CDK17: variants seen among roughly 807,000 people sequenced by gnomAD.
CDK17 encodes the protein cyclin-dependent kinase 17.
CDK17 carries 24 observed loss-of-function variants against 77.6 expected under a neutral mutation model. The observed-to-expected ratio is 0.31, with a 90% CI of 0.22 to 0.44. The LOEUF (loss-of-function observed/expected upper bound fraction) is 0.44. Among genes scored for constraint, CDK17 ranks in the 20% least tolerant of loss-of-function variants. The probability of loss-of-function intolerance (pLI) is 1.00; values close to 1 mark genes in which losing one functional copy is unlikely to be tolerated. For missense variants in CDK17, 429 were observed against 622.5 expected, an observed-to-expected ratio of 0.69 and a Z score of 3.31; for synonymous variants, 203 against 210.4, an observed-to-expected ratio of 0.96 and a Z score of 0.30.
At chr12:96,387,133 C>T in intron 1 of CDK17, 2 of 270,666 alleles carry the variant, frequency 7.4e-6, no homozygotes, top group South Asian at 1.1e-4. Flanking sequence ...ACCTGTGTTC[C>T]ACTTTTCAAT....
intron 1 of CDK17, among the ~76,000 whole-genome samples, chr12:96,371,964 AAG>A (rs547825853): frequency 2.6e-4 from 39 of 149,230 alleles, no homozygotes; most frequent in Non-Finnish European, 4.0e-4. Flanking sequence ...TCATGTTAAA[AAG>A]AGGGGGGACG....
chr12:96,299,610 C>G (rs571867551), intron 6 of CDK17, among the ~76,000 whole-genome samples: 1 of 152,000 alleles, frequency 6.6e-6, no homozygotes, highest in African/African-American at 2.4e-5. Flanking sequence ...AGGCTGGTCT[C>G]GAACTCCTGA....
intron 1 of CDK17, among the ~76,000 whole-genome samples, chr12:96,397,812 T>C (rs1954195556): frequency 6.6e-6 from 1 of 152,150 alleles, no homozygotes; most frequent in South Asian, 2.1e-4. Context: ...AAAACAACAA[T>C]TATTAATTAT....
intron 7 of CDK17, 98 bp downstream of exon 7, chr12:96,298,771 G>A (rs1197138959): frequency 3.2e-6 from 2 of 617,492 alleles, no homozygotes; most frequent in Non-Finnish European, 5.5e-6. Context: ...ACATCTTCCA[G>A]TCATTTATTA....
intron 5 of CDK17, among the ~76,000 whole-genome samples, chr12:96,310,434 T>C (rs944134475): frequency 5.9e-5 from 9 of 152,068 alleles, no homozygotes; most frequent in Non-Finnish European, 8.8e-5. Context: ...TAAGAATATA[T>C]GTGAATGGGA....
Position 96,286,775 on chromosome 12 carries a change from C to A in CDK17, c.1119-14G>T. On this transcript the variant is annotated splice_polypyrimidine_tract_variant and intron_variant, in intron 11 of 16. Transcript: ENST00000261211. The stretch of plus-strand genomic sequence containing the variant: ...CAACCAACACCCCTTTAAAATAGAT[C>A]ATGAAAATAATTTAGCAATTCATTT... The A allele has an allele frequency of 6.3e-7, 1 of 1,574,966 alleles. No individual in the cohort carries two copies. Among genetic ancestry groups the A allele is most frequent in the Non-Finnish European group, 8.7e-7 (1 of 1,148,220 alleles).
chr12:96,372,524 A>G (rs1279438647), intron 1 of CDK17, among the ~76,000 whole-genome samples: 3 of 152,234 alleles, frequency 2.0e-5, no homozygotes, highest in African/African-American at 7.2e-5. Context: ...GGAAGGGAGC[A>G]TAACAATGAG....
intron 2 of CDK17, among the ~76,000 whole-genome samples, chr12:96,333,795 G>T (rs1953003964): frequency 6.6e-6 from 1 of 152,162 alleles, no homozygotes; most frequent in African/African-American, 2.4e-5. Context: ...TAAAGTACTG[G>T]TTCTGGAGCT....
intron 1 of CDK17, among the ~76,000 whole-genome samples, chr12:96,383,743 C>T (rs1257311938): frequency 1.3e-5 from 2 of 152,082 alleles, no homozygotes; most frequent in African/African-American, 4.8e-5. Flanking sequence ...TGAAAGTGGG[C>T]CCCTACTTTT....
rs201651753 is a variant in CDK17 at position 96,318,751 on chromosome 12, C to T, written c.283+5197G>A. 3.0e-3 allele frequency among the ~76,000 whole-genome samples: 407 copies of T among 134,522 alleles called. 2 individuals carry two copies. Among genetic ancestry groups the T allele is most frequent in the Middle Eastern group, 3.8e-3 (1 of 264 alleles). The allele number at this position is 134,522 out of a possible 152,430, so 88.3% of individuals were successfully genotyped here. On this transcript the variant is annotated intron_variant, in intron 3 of 16. Coordinates refer to ENST00000261211, the MANE Select transcript of CDK17 (RefSeq NM_002595.5). ...AAATAAAGATGTTCTTTGAGACCAA[C>T]GAGAACAAAGACACAACATACCAGA...
chr12:96,313,377 G>A lies in CDK17; in HGVS notation c.361C>T (p.Gln121Ter). 6.3e-7 allele frequency: 1 copy of A among 1,599,424 alleles called. No individual in the cohort carries two copies. Among genetic ancestry groups the A allele is most frequent in the Non-Finnish European group, 8.5e-7 (1 of 1,174,056 alleles). Residue 121 changes from glutamine (Q) to a stop codon, truncating the protein, a stop_gained, in exon 4 of 17, where the codon CAG becomes TAG. Coordinates refer to ENST00000261211, the MANE Select transcript of CDK17 (RefSeq NM_002595.5). LOFTEE classifies it high-confidence loss of function. ...CTGAGACAAACACCTGTAGGTGACT[G>A]GACTTCATCAGATGATGTCCCAGAA... ...QASGTSSDEV[Q>*]SPTGVCLRNR...
Position 96,311,036 on chromosome 12 carries a change from G to A in CDK17, c.543+16C>T, listed in dbSNP as rs748528837. On this transcript the variant is annotated intron_variant, in intron 5 of 16. Transcript: ENST00000261211. Reference sequence around the variant, plus strand: ...GATCTGATTGATGGTGGAGGTATAGGAGACCAAAAACTTACTAAGGAAGCT... The same window carrying A: ...GATCTGATTGATGGTGGAGGTATAGAAGACCAAAAACTTACTAAGGAAGCT... 3 of 1,593,916 alleles carry A rather than the reference G, an allele frequency of 1.9e-6. No homozygotes were observed. Among genetic ancestry groups the A allele is most frequent in the Non-Finnish European group, 2.6e-6 (3 of 1,174,196 alleles).
At chr12:96,346,457 AT>A (rs1953212567) in intron 1 of CDK17, among the ~76,000 whole-genome samples, 1 of 3,436 alleles carries the variant, frequency 2.9e-4, no homozygotes, top group Non-Finnish European at 7.8e-4. Context: ...ATCTCAAAAA[AT>A]AAATAAATAA....
chr12:96,372,142 A>G (rs552837350), intron 1 of CDK17, among the ~76,000 whole-genome samples: 1 of 152,240 alleles, frequency 6.6e-6, no homozygotes, highest in South Asian at 2.1e-4. Flanking sequence ...AAAAACTAAC[A>G]CTATTAAAGC....
At chr12:96,386,730 G>GAGACCAGCCTGCAAAAT (rs1953982566) in intron 1 of CDK17, 1 of 152,298 alleles carries the variant, frequency 6.6e-6, no homozygotes, top group Admixed American at 6.6e-5. Context: ...TAAATTTTTT[G>GAGACCAGCCTGCAAAAT]ATAGAAAAAA....
At chr12:96,383,118 C>T (rs1953913280) in intron 1 of CDK17, among the ~76,000 whole-genome samples, 1 of 152,092 alleles carries the variant, frequency 6.6e-6, no homozygotes, top group African/African-American at 2.4e-5. Context: ...TATATTACAA[C>T]ATTCTAGCTG....
intron 11 of CDK17, among the ~76,000 whole-genome samples, chr12:96,288,799 T>C (rs575752180): frequency 6.6e-6 from 1 of 152,316 alleles, no homozygotes; most frequent in East Asian, 1.9e-4. Context: ...AAAATGATAA[T>C]TTTGTTTTAA....
At chr12:96,323,866 T>C in intron 3 of CDK17, 82 bp downstream of exon 3, 1 of 970,058 alleles carries the variant, frequency 1.0e-6, no homozygotes, top group Non-Finnish European at 1.5e-6. Context: ...AACGAGATAA[T>C]AAAAGTTGCT....
chr12:96,311,868 T>C (rs778522556), intron 4 of CDK17, among the ~76,000 whole-genome samples: 1 of 152,118 alleles, frequency 6.6e-6, no homozygotes, highest in African/African-American at 2.4e-5. Flanking sequence ...TTATAAGTTA[T>C]ATAACCACTA....
Sources: allele counts gnomAD v4.1 joint callset (sites outside exome capture counted in the v4.1 genomes callset), GRCh38; gene constraint gnomAD v4.1.1; transcripts MANE v1.5; gene names NCBI Gene and HGNC (gene_info 2026-07-23, HGNC 2026-07-21).